Variants in PHF21A observed in about 807,000 individuals in gnomAD.
The protein encoded by PHF21A is BHC80a.
In PHF21A, 11 loss-of-function variants were observed where a neutral mutation model predicts 82.5. The observed-to-expected ratio is 0.13, with a 90% CI of 0.08 to 0.22. The LOEUF (loss-of-function observed/expected upper bound fraction) is 0.22, where lower values mean the gene tolerates loss of function less well. PHF21A is among the 10% of genes least tolerant of loss of function. The pLI, the probability that PHF21A is intolerant of heterozygous loss-of-function variation, is 1.00. For missense variants in PHF21A, 579 were observed against 837.8 expected, an observed-to-expected ratio of 0.69 and a Z score of 3.81; for synonymous variants, 297 against 302.8, an observed-to-expected ratio of 0.98 and a Z score of 0.20.
At chr11:45,937,862 T>A (rs1445063441) in intron 16 of PHF21A, among the ~76,000 whole-genome samples, 1 of 152,190 alleles carries the variant, frequency 6.6e-6, no homozygotes, top group Non-Finnish European at 1.5e-5. Context: ...ATATACTTGG[T>A]CTGGACCATT....
intron 1 of PHF21A, among the ~76,000 whole-genome samples, chr11:46,109,670 C>T (rs986497753): frequency 5.3e-5 from 8 of 152,182 alleles, no homozygotes; most frequent in Admixed American, 4.6e-4. Context: ...TAAACACACA[C>T]GTAAACACAT....
intron 6 of PHF21A, among the ~76,000 whole-genome samples, chr11:46,046,108 T>A (rs1399341917): frequency 1.3e-5 from 2 of 152,228 alleles, no homozygotes; most frequent in Non-Finnish European, 2.9e-5. Context: ...AGCTGAAGGC[T>A]CTGCCCTGAC....
At chr11:45,980,983 C>G (rs553402505) in intron 6 of PHF21A, among the ~76,000 whole-genome samples, 299 of 152,194 alleles carry the variant, frequency 2.0e-3, no homozygotes, top group Non-Finnish European at 2.6e-3. Context: ...TGCTCAAATC[C>G]AAGAGAAATG....
intron 1 of PHF21A, among the ~76,000 whole-genome samples, chr11:46,099,523 G>GATAC (rs2097058153): frequency 7.3e-6 from 1 of 137,592 alleles, no homozygotes; most frequent in Admixed American, 7.3e-5. Flanking sequence ...AGAAAAATTA[G>GATAC]ACACACACAC....
rs1565190173 is a variant in PHF21A at position 45,945,845 on chromosome 11, T to C, written c.1447A>G (p.Thr483Ala). 1.3e-6 allele frequency: 2 copies of C among 1,574,936 alleles called. No individual in the cohort carries two copies. The highest frequency in any genetic ancestry group is 1.7e-6 in the Non-Finnish European group (2 of 1,163,416). ...GCTTTTCCCAAGTTACTTACGTCTG[T>C]GGAGGTGGGGCTGGGCAGGGACACA... ...QPVSLPSPTS[T>A]DGDIHEDFCS... is the part of the protein sequence containing the mutation. The change falls in exon 15 of 19, where the codon ACA becomes GCA. Residue 483 changes from threonine (T) to alanine (A), a missense_variant. By Grantham distance (58) the Thr-to-Ala change is moderately conservative. Coordinates refer to ENST00000676320, the MANE Select transcript of PHF21A (RefSeq NM_001352027.3).
intron 1 of PHF21A, among the ~76,000 whole-genome samples, chr11:46,096,480 A>T (rs1457347449): frequency 6.6e-6 from 1 of 152,182 alleles, no homozygotes; most frequent in African/African-American, 2.4e-5. Flanking sequence ...ATGATTTAAC[A>T]GTTGTTAAAT....
intron 6 of PHF21A, among the ~76,000 whole-genome samples, chr11:45,996,457 C>A (rs984123843): frequency 6.6e-6 from 1 of 152,200 alleles, no homozygotes; most frequent in Non-Finnish European, 1.5e-5. Flanking sequence ...AGCACTAAGT[C>A]TGTCCCTATC....
intron 1 of PHF21A, among the ~76,000 whole-genome samples, chr11:46,109,009 C>G (rs1219609649): frequency 2.6e-5 from 4 of 152,212 alleles, no homozygotes; most frequent in Non-Finnish European, 5.9e-5. Context: ...CTCAACCTAA[C>G]CCAACCAAAA....
chr11:46,091,753 T>G (rs1396278636), intron 2 of PHF21A, among the ~76,000 whole-genome samples: 2 of 152,222 alleles, frequency 1.3e-5, no homozygotes, highest in African/African-American at 2.4e-5. Context: ...CTCGTTTTGT[T>G]GCCAGCTTCA....
In PHF21A at chr11:46,079,943, T is replaced by G. The variant is rs1030342813; in HGVS notation, c.55-777A>C. Reference sequence around the variant, plus strand: ...ATGTCTTTTGACCTAACCCAACTTCTAAAGACATCGCTGCCCAAAGTTAAC... The same window carrying G: ...ATGTCTTTTGACCTAACCCAACTTCGAAAGACATCGCTGCCCAAAGTTAAC... On this transcript the variant is annotated intron_variant, in intron 4 of 18. Coordinates refer to ENST00000676320, the MANE Select transcript of PHF21A (RefSeq NM_001352027.3). 9.9e-5 allele frequency among the ~76,000 whole-genome samples: 15 copies of G among 152,114 alleles called. 1 individual carries two copies. The highest frequency in any genetic ancestry group is 3.6e-4 in the African/African-American group (15 of 41,410).
chr11:46,008,810 A>C (rs2095353622), intron 6 of PHF21A, among the ~76,000 whole-genome samples: 1 of 152,180 alleles, frequency 6.6e-6, no homozygotes, highest in Admixed American at 6.5e-5. Context: ...TATGTTTGCA[A>C]CTGTAAAATG....
At chr11:46,053,254 T>A (rs995754903) in intron 6 of PHF21A, among the ~76,000 whole-genome samples, 7 of 152,186 alleles carry the variant, frequency 4.6e-5, no homozygotes, top group Admixed American at 1.3e-4. Context: ...TGTAACTGAT[T>A]TACAAAATAT....
intron 1 of PHF21A, among the ~76,000 whole-genome samples, chr11:46,105,206 C>A (rs1373287552): frequency 6.6e-6 from 1 of 152,210 alleles, no homozygotes; most frequent in East Asian, 1.9e-4. Context: ...GGCTCCTGCA[C>A]TAACATTCTT....
intron 6 of PHF21A, among the ~76,000 whole-genome samples, chr11:46,067,612 A>AC (rs1555165572): frequency 6.6e-6 from 1 of 151,278 alleles, no homozygotes; most frequent in Non-Finnish European, 1.5e-5. Flanking sequence ...AAAAAAAAAA[A>AC]CTGAATTGAA....
At chr11:45,975,152 A>C (rs1036796102) in intron 7 of PHF21A, among the ~76,000 whole-genome samples, 1 of 151,916 alleles carries the variant, frequency 6.6e-6, no homozygotes, top group Non-Finnish European at 1.5e-5. Flanking sequence ...CACCTCTACA[A>C]AAAATACAAA....
At chr11:46,078,268 C>A (rs1303900684) in intron 5 of PHF21A, among the ~76,000 whole-genome samples, 1 of 152,132 alleles carries the variant, frequency 6.6e-6, no homozygotes, top group African/African-American at 2.4e-5. Context: ...TATTTTTTTA[C>A]TTCCAAAAAT....
chr11:45,932,259 A>C lies in PHF21A; in HGVS notation c.*1709T>G, dbSNP rs886333510. On this transcript the variant is annotated 3_prime_UTR_variant, in exon 19 of 19. Transcript: ENST00000676320. The surrounding 1 kb of genome is among the most constrained non-coding windows in gnomAD (Gnocchi z 4.3). The stretch of plus-strand genomic sequence containing the variant: ...CAGGCACTCATAATGCTGGTGGCTG[A>C]AAGACCAAAAGCAGCACCAAAGGAA... The C allele has an allele frequency of 6.6e-6, 1 of 152,274 alleles. No individual in the cohort carries two copies. The highest frequency in any genetic ancestry group is 1.5e-5 in the Non-Finnish European group (1 of 68,068). 9.4% of individuals were successfully genotyped at this position (152,274 alleles called of 1,614,324 possible).
chr11:46,088,798 T>A (rs530408755), intron 3 of PHF21A, among the ~76,000 whole-genome samples: 34 of 152,316 alleles, frequency 2.2e-4, no homozygotes, highest in African/African-American at 7.9e-4. Context: ...TCTAGAAGAC[T>A]GTAGGCTTTT....
rs570659764 is a variant in PHF21A at position 45,933,143 on chromosome 11, C to T, written c.*825G>A. ...CCTTTTTTTCCTTCCTGGACACACA[C>T]ATCCTTCTTCCCTGCCTTGGGCAAG... On this transcript the variant is annotated 3_prime_UTR_variant, in exon 19 of 19. Coordinates refer to ENST00000676320, the MANE Select transcript of PHF21A (RefSeq NM_001352027.3). The T allele has an allele frequency of 1.3e-5, 2 of 152,696 alleles. No homozygotes were observed. Among genetic ancestry groups the T allele is most frequent in the South Asian group, 4.1e-4 (2 of 4,830 alleles). 9.5% of individuals were successfully genotyped at this position (152,696 alleles called of 1,614,324 possible). A position where few individuals can be genotyped will look rare whatever the true frequency, so the allele number is the denominator to read the frequency against.
Sources: gnomAD v4.1 joint callset for allele counts (sites outside exome capture counted in the v4.1 genomes callset) on GRCh38, gnomAD v4.1.1 for gene constraint, Gnocchi (gnomAD v3.1) non-coding constraint, MANE v1.5 for transcripts, NCBI Gene and HGNC (gene_info 2026-07-23, HGNC 2026-07-21) for gene names.